The following SYT1 variants were observed in gnomAD, a reference collection of about 807,000 sequenced individuals.
SYT1 encodes the protein synaptotagmin 1.
SYT1 carries 8 observed loss-of-function variants against 44.8 expected under a neutral mutation model. The observed-to-expected ratio is 0.18, with a 90% CI of 0.10 to 0.32. The LOEUF is 0.32. Among genes scored for constraint, SYT1 ranks in the 10% least tolerant of loss-of-function variants. The pLI, the probability that SYT1 is intolerant of heterozygous loss-of-function variation, is 1.00. For synonymous variants in SYT1, 154 were observed against 188.8 expected (o/e 0.82, Z 1.51); for missense variants, 286 against 509.3 (o/e 0.56, Z 4.22).
rs961962276 is a variant in SYT1 at position 78,865,577 on chromosome 12, G to A, written c.-217+468G>A. Among the ~76,000 whole-genome samples, 12 of 119,446 alleles carry A rather than the reference G, an allele frequency of 1.0e-4. No individual in the cohort carries two copies. The East Asian group carries it at 2.2e-3, about 22-fold the overall frequency. The allele number at this position is 119,446 out of a possible 152,430, so 78.4% of individuals were successfully genotyped here. On this transcript the variant is annotated intron_variant, in intron 1 of 10. Transcript: ENST00000261205. ...GGGAGAGGGATATGGGGGGGGGGGGGAACGTAAACAAGATAGAATACAAGC... is the reference window on the plus strand; with the variant it reads ...GGGAGAGGGATATGGGGGGGGGGGGAAACGTAAACAAGATAGAATACAAGC...
intron 3 of SYT1, among the ~76,000 whole-genome samples, chr12:79,085,115 C>T (rs1432218268): frequency 2.6e-5 from 4 of 152,170 alleles, no homozygotes; most frequent in Admixed American, 6.6e-5. Context: ...GTCACTGTCT[C>T]AGCCACCTAT....
chr12:79,013,142 G>A (rs949678048), intron 2 of SYT1, among the ~76,000 whole-genome samples: 1 of 151,970 alleles, frequency 6.6e-6, no homozygotes, highest in Non-Finnish European at 1.5e-5. Flanking sequence ...CTATCTTGTA[G>A]AGTGCACTTC....
At chr12:79,133,809 G>GACA (rs1374711528) in intron 3 of SYT1, among the ~76,000 whole-genome samples, 7 of 152,160 alleles carry the variant, frequency 4.6e-5, no homozygotes, top group African/African-American at 1.7e-4. Flanking sequence ...GTTTGGGAAG[G>GACA]AAAAAATTAT....
chr12:79,087,021 A>T (rs1877427538), intron 3 of SYT1, among the ~76,000 whole-genome samples: 1 of 152,170 alleles, frequency 6.6e-6, no homozygotes, highest in Non-Finnish European at 1.5e-5. Flanking sequence ...AAAAAACCAG[A>T]GTTACAACAG....
intron 2 of SYT1, among the ~76,000 whole-genome samples, chr12:78,991,064 T>C (rs1421470263): frequency 6.6e-6 from 1 of 152,190 alleles, no homozygotes; most frequent in East Asian, 1.9e-4. Flanking sequence ...ACAACAGCAT[T>C]TGTATTCTTA....
At position 79,303,780 on chromosome 12, in the gene SYT1, C is replaced by A. The variant is rs1880259965; in HGVS notation, c.810+4229C>A. Among the ~76,000 whole-genome samples the A allele has an allele frequency of 2.0e-5, 3 of 152,128 alleles. No homozygotes were observed. The South Asian group carries it at 6.2e-4, about 31-fold the overall frequency. On this transcript the variant is annotated intron_variant, in intron 8 of 10. Transcript: ENST00000261205. ...TCAAATGGCAACAGTTTTTTAACTT[C>A]CAATGGTCAATTCCTTAGTACTTCC... is the stretch of plus-strand genomic sequence containing the variant.
chr12:79,373,102 A>G (rs548012498), intron 9 of SYT1, among the ~76,000 whole-genome samples: 19 of 152,350 alleles, frequency 1.2e-4, no homozygotes, highest in Non-Finnish European at 2.5e-4. Context: ...TTTTCTCAAA[A>G]TTATATCTCT....
chr12:79,375,434 A>G (rs907863885), intron 9 of SYT1, among the ~76,000 whole-genome samples: 1 of 152,330 alleles, frequency 6.6e-6, no homozygotes, highest in Non-Finnish European at 1.5e-5. Context: ...CCCAGTCAGG[A>G]AAGTTGAACT....
At chr12:78,931,169 GAAAGAAAGAA>G (rs1156492858) in intron 1 of SYT1, among the ~76,000 whole-genome samples, 9 of 119,504 alleles carry the variant, frequency 7.5e-5, no homozygotes, top group East Asian at 2.6e-4. Context: ...TGGAAAGAAA[GAAAGAAAGAA>G]AAAGAAAGAA....
intron 8 of SYT1, among the ~76,000 whole-genome samples, chr12:79,344,587 G>C (rs1176313449): frequency 6.6e-6 from 1 of 151,864 alleles, no homozygotes; most frequent in Non-Finnish European, 1.5e-5. Context: ...TGAGTAGCTG[G>C]GGCTATAGGC....
At chr12:79,022,482 A>C (rs935677564) in intron 2 of SYT1, among the ~76,000 whole-genome samples, 1 of 151,764 alleles carries the variant, frequency 6.6e-6, no homozygotes, top group Admixed American at 6.6e-5. Flanking sequence ...AGTTTTCTAG[A>C]GGTTACCTCC....
chr12:79,207,478 G>A (rs1005033952), intron 3 of SYT1, among the ~76,000 whole-genome samples: 2 of 152,082 alleles, frequency 1.3e-5, no homozygotes, highest in Non-Finnish European at 2.9e-5. Context: ...CATCACCTAG[G>A]TATTAAGTCC....
At chr12:79,312,769 A>ATTTT (rs34469793) in intron 8 of SYT1, among the ~76,000 whole-genome samples, 12 of 116,970 alleles carry the variant, frequency 1.0e-4, no homozygotes, top group East Asian at 2.4e-4. Flanking sequence ...AAGGGGCTGC[A>ATTTT]TTTTTTTTTT....
At chr12:79,051,324 A>G (rs576097598) in intron 3 of SYT1, among the ~76,000 whole-genome samples, 1 of 150,002 alleles carries the variant, frequency 6.7e-6, no homozygotes, top group Non-Finnish European at 1.5e-5. Flanking sequence ...AAATATATAT[A>G]TACATATATA....
intron 8 of SYT1, among the ~76,000 whole-genome samples, chr12:79,303,606 C>T (rs1345250691): frequency 6.6e-6 from 1 of 151,900 alleles, no homozygotes; most frequent in Non-Finnish European, 1.5e-5. Context: ...CAAGTTGGAA[C>T]ATAATTTAAT....
chr12:79,109,195 T>C (rs1848205460), intron 3 of SYT1, among the ~76,000 whole-genome samples: 1 of 152,068 alleles, frequency 6.6e-6, no homozygotes, highest in African/African-American at 2.4e-5. Flanking sequence ...CAGTGCGCAC[T>C]CCTCCCAATG....
intron 4 of SYT1, among the ~76,000 whole-genome samples, chr12:79,260,559 C>G (rs1877772288): frequency 6.6e-6 from 1 of 152,156 alleles, no homozygotes; most frequent in African/African-American, 2.4e-5. Context: ...TGAACTAAGA[C>G]TGTCTTGTGC....
intron 2 of SYT1, among the ~76,000 whole-genome samples, chr12:79,033,702 G>A (rs960945155): frequency 1.3e-5 from 2 of 151,398 alleles, no homozygotes; most frequent in African/African-American, 4.8e-5. Context: ...CTTTTAAAAT[G>A]TGTTTTAACC....
At chr12:79,316,855 C>T (rs1260876456) in intron 8 of SYT1, among the ~76,000 whole-genome samples, 2 of 152,162 alleles carry the variant, frequency 1.3e-5, no homozygotes, top group Admixed American at 6.5e-5. Flanking sequence ...CACTTTTGCA[C>T]ATCACAGTAA....
Sources: allele counts gnomAD v4.1 joint callset (sites outside exome capture counted in the v4.1 genomes callset), GRCh38; gene constraint gnomAD v4.1.1; transcripts MANE v1.5; gene names NCBI Gene and HGNC (gene_info 2026-07-23, HGNC 2026-07-21).